NARS2: variants seen among roughly 807,000 people sequenced by gnomAD.
NARS2 encodes asparaginyl-tRNA synthetase.
NARS2 carries 60 observed loss-of-function variants against 62.9 expected under a neutral mutation model. The ratio of observed to expected loss-of-function variants is 0.95; its 90% CI spans 0.77 to 1.18. The LOEUF (loss-of-function observed/expected upper bound fraction) is 1.18. NARS2 is among the 50% of genes most tolerant of loss of function. NARS2 has a pLI of 0.00. For missense variants in NARS2, 619 were observed against 576.4 expected, an observed-to-expected ratio of 1.07 and a Z score of -0.76; for synonymous variants, 196 against 200.0, an observed-to-expected ratio of 0.98 and a Z score of 0.17.
At chr11:78,559,751 T>C in intron 4 of NARS2, 132 bp from the exon 5 acceptor site, 1 of 597,104 alleles carries the variant, frequency 1.7e-6, no homozygotes, top group Non-Finnish European at 2.9e-6. Context: ...CCCTAAATAT[T>C]AAGACTACTG....
At chr11:78,570,309 C>T (rs1856880327) in intron 2 of NARS2, among the ~76,000 whole-genome samples, 2 of 152,134 alleles carry the variant, frequency 1.3e-5, no homozygotes, top group South Asian at 2.1e-4. Context: ...TAACAATCCC[C>T]GGAATAGCAA....
intron 6 of NARS2, among the ~76,000 whole-genome samples, chr11:78,508,709 T>C (rs1044338837): frequency 1.3e-5 from 2 of 151,868 alleles, no homozygotes; most frequent in Non-Finnish European, 2.9e-5. Context: ...TCCAAGATGG[T>C]AAGATAACCT....
At chr11:78,484,540 C>T (rs1232783891) in intron 7 of NARS2, among the ~76,000 whole-genome samples, 1 of 151,858 alleles carries the variant, frequency 6.6e-6, no homozygotes, top group African/African-American at 2.4e-5. Flanking sequence ...AACAAATTTA[C>T]AAGAAAAAAA....
At chr11:78,551,518 T>C (rs114245812) in intron 5 of NARS2, among the ~76,000 whole-genome samples, 1,782 of 152,338 alleles carry the variant, frequency 0.012, 41 homozygotes, top group African/African-American at 0.041. Context: ...TCATATTTTA[T>C]GGTATGTGAG....
chr11:78,545,781 G>A (rs777897595), intron 5 of NARS2, among the ~76,000 whole-genome samples: 2 of 151,922 alleles, frequency 1.3e-5, no homozygotes, highest in Admixed American at 6.6e-5. Context: ...TGATATATAC[G>A]CCTGCCTTGG....
chr11:78,513,913 T>C (rs1409701438), intron 6 of NARS2, among the ~76,000 whole-genome samples: 5 of 152,026 alleles, frequency 3.3e-5, no homozygotes, highest in Non-Finnish European at 7.4e-5. Flanking sequence ...TGGGTTCTCA[T>C]GTGATGTGAT....
chr11:78,467,147 T>C (rs1327884661), intron 10 of NARS2, among the ~76,000 whole-genome samples: 3 of 152,328 alleles, frequency 2.0e-5, no homozygotes, highest in African/African-American at 7.2e-5. Flanking sequence ...GTATCTTAGT[T>C]ACAGGAAAAA....
chr11:78,535,415 T>A (rs1338759330), intron 5 of NARS2, among the ~76,000 whole-genome samples: 1 of 152,186 alleles, frequency 6.6e-6, no homozygotes, highest in Non-Finnish European at 1.5e-5. Flanking sequence ...CACATTGAGA[T>A]AAAATCTCAA....
Position 78,436,831 on chromosome 11 carries a change from G to A in NARS2, c.1290-17C>T. On this transcript the variant is annotated splice_polypyrimidine_tract_variant and intron_variant, in intron 13 of 13. Coordinates refer to ENST00000281038, the MANE Select transcript of NARS2 (RefSeq NM_024678.6). ...TCCAGATACCTGTTTTTCAAAAATAGAAAATCATCATCTATATATAGTATA... is the reference window on the plus strand; with the variant it reads ...TCCAGATACCTGTTTTTCAAAAATAAAAAATCATCATCTATATATAGTATA... 6.2e-7 allele frequency: 1 copy of A among 1,611,662 alleles called. No individual in the cohort carries two copies. The highest frequency in any genetic ancestry group is 8.5e-7 in the Non-Finnish European group (1 of 1,178,378).
At chr11:78,489,599 C>T (rs1190494496) in intron 7 of NARS2, among the ~76,000 whole-genome samples, 2 of 152,234 alleles carry the variant, frequency 1.3e-5, no homozygotes, top group East Asian at 3.9e-4. Flanking sequence ...ACTTTGGTAT[C>T]CATAATGGCA....
chr11:78,466,788 C>T (rs1342825787), intron 10 of NARS2, among the ~76,000 whole-genome samples: 1 of 152,080 alleles, frequency 6.6e-6, no homozygotes, highest in Non-Finnish European at 1.5e-5. Context: ...CCGGTGACTT[C>T]TTTTTAAATA....
At chr11:78,527,791 G>C (rs1861343083) in intron 6 of NARS2, among the ~76,000 whole-genome samples, 1 of 152,124 alleles carries the variant, frequency 6.6e-6, no homozygotes, top group South Asian at 2.1e-4. Flanking sequence ...AGAAAACTCA[G>C]TACTTGATGA....
intron 5 of NARS2, among the ~76,000 whole-genome samples, chr11:78,537,326 G>C (rs1399546270): frequency 6.6e-6 from 1 of 152,224 alleles, no homozygotes; most frequent in East Asian, 1.9e-4. Context: ...CCAAGAGGGA[G>C]ATAAAGTCCT....
chr11:78,515,010 G>C (rs1266647230), intron 6 of NARS2, among the ~76,000 whole-genome samples: 2 of 152,156 alleles, frequency 1.3e-5, no homozygotes, highest in Admixed American at 6.5e-5. Flanking sequence ...GGGGCCTTCA[G>C]TGGACAAGAG....
chr11:78,554,500 C>CTTGTGTGCGTGTGT (rs1555041387), intron 5 of NARS2, among the ~76,000 whole-genome samples: 1 of 42,498 alleles, frequency 2.4e-5, no homozygotes, highest in Non-Finnish European at 8.9e-5. Context: ...TATTCCTAGG[C>CTTGTGTGCGTGTGT]GTGTGTGCGT....
chr11:78,447,242 A>T (rs1408364998), intron 11 of NARS2, among the ~76,000 whole-genome samples: 1 of 151,612 alleles, frequency 6.6e-6, no homozygotes, highest in South Asian at 2.1e-4. Context: ...CTGGACTTGA[A>T]CTCCTGGGTT....
intron 11 of NARS2, among the ~76,000 whole-genome samples, chr11:78,459,530 A>C (rs868596504): frequency 2.0e-5 from 3 of 151,978 alleles, no homozygotes; most frequent in Non-Finnish European, 4.4e-5. Context: ...TCGGCCTCCC[A>C]AAGTGCTGGG....
intron 5 of NARS2, among the ~76,000 whole-genome samples, chr11:78,532,455 A>AAATGAGAAAG (rs1277082551): frequency 5.3e-5 from 8 of 152,202 alleles, no homozygotes; most frequent in African/African-American, 1.9e-4. Context: ...TCTGCTCCCC[A>AAATGAGAAAG]AATGAGAAAG....
At chr11:78,551,903 C>T (rs74238044) in intron 5 of NARS2, among the ~76,000 whole-genome samples, 2,241 of 152,070 alleles carry the variant, frequency 0.015, 75 homozygotes, top group Admixed American at 0.065. Context: ...AACCCTGCTC[C>T]ATCTCATTCC....
Sources: gnomAD v4.1 joint callset for allele counts (sites outside exome capture counted in the v4.1 genomes callset) on GRCh38, gnomAD v4.1.1 for gene constraint, MANE v1.5 for transcripts, NCBI Gene and HGNC (gene_info 2026-07-23, HGNC 2026-07-21) for gene names.